Variants in FAAH2 observed in about 807,000 individuals in gnomAD.
The protein encoded by FAAH2 is fatty acid amide hydrolase 2.
A neutral mutation model predicts 36.9 loss-of-function variants in FAAH2; 60 were observed. That is an observed-to-expected ratio of 1.63 (90% CI 1.32 to 2.02). The LOEUF is 2.02. Ranked by LOEUF, FAAH2 falls within the 30% of genes most tolerant of loss-of-function variation. FAAH2 has a pLI of 0.00. For missense variants in FAAH2, 689 were observed against 397.5 expected (o/e 1.73, Z -6.23); for synonymous variants, 214 against 143.8 (o/e 1.49, Z -3.49).
chrX:57,137,449 T>A, the FAAH2 span: 1 of 608,708 alleles, frequency 1.6e-6, no homozygotes. Flanking sequence ...ACCTCCCTGT[T>A]GGTGGCGGCC....
chrX:57,407,293 T>A (rs966849592), intron 7 of FAAH2, among the ~76,000 whole-genome samples: 2 of 111,917 alleles, frequency 1.8e-5, no homozygotes, highest in Non-Finnish European at 3.8e-5. Flanking sequence ...TTATGGCACC[T>A]TCCACCTGAA....
At chrX:57,485,397 G>A (rs1223574032) in intron 10 of FAAH2, among the ~76,000 whole-genome samples, 2 of 111,156 alleles carry the variant, frequency 1.8e-5, no homozygotes, top group African/African-American at 6.5e-5. Flanking sequence ...GTGACCTGGA[G>A]CCTGCAAACC....
At chrX:57,391,613 C>CTT (rs2055167916) in intron 7 of FAAH2, among the ~76,000 whole-genome samples, 1 of 110,807 alleles carries the variant, frequency 9.0e-6, no homozygotes, top group Non-Finnish European at 1.9e-5. Flanking sequence ...TTTTTGTCAA[C>CTT]TTTGTCAAAG....
At chrX:57,452,500 G>A (rs1277699720) in intron 10 of FAAH2, 4 of 164,473 alleles carry the variant, frequency 2.4e-5, no homozygotes, top group Non-Finnish European at 4.0e-5. Context: ...TGTAGTCTAA[G>A]CAAAGATTCT....
At chrX:57,378,430 T>C (rs1370933727) in intron 5 of FAAH2, among the ~76,000 whole-genome samples, 1 of 111,417 alleles carries the variant, frequency 9.0e-6, no homozygotes, top group Non-Finnish European at 1.9e-5. Flanking sequence ...TTTTGCTTGT[T>C]TTATATTGAA....
At chrX:57,487,848 A>AT (rs1354869951) in intron 10 of FAAH2, among the ~76,000 whole-genome samples, 2 of 112,101 alleles carry the variant, frequency 1.8e-5, no homozygotes, top group Non-Finnish European at 3.8e-5. Flanking sequence ...TATATTGCTG[A>AT]TTTTTGCAGC....
intron 7 of FAAH2, among the ~76,000 whole-genome samples, chrX:57,383,437 G>A (rs902043135): frequency 8.9e-6 from 1 of 111,880 alleles, no homozygotes; most frequent in Non-Finnish European, 1.9e-5. Flanking sequence ...CATCTTCTCA[G>A]CCCAAAATCT....
In FAAH2 at chrX:57,299,170, C is replaced by A. The variant is rs182902196; in HGVS notation, c.275+6590C>A. On this transcript the variant is annotated intron_variant, in intron 2 of 10. Coordinates refer to ENST00000374900, the MANE Select transcript of FAAH2 (RefSeq NM_174912.4). Reference sequence around the variant, plus strand: ...CAACAAAAAAAAGAGAATTTTAGACCAATATCCTTGATGAACATTGATGCA... The same window carrying A: ...CAACAAAAAAAAGAGAATTTTAGACAAATATCCTTGATGAACATTGATGCA... 2.9e-3 allele frequency among the ~76,000 whole-genome samples: 329 copies of A among 111,628 alleles called. 5 individuals are homozygous for A. Among genetic ancestry groups the A allele is most frequent in the South Asian group, 0.012 (31 of 2,662 alleles).
chrX:57,434,795 A>T (rs944060576), intron 8 of FAAH2, among the ~76,000 whole-genome samples: 1 of 111,590 alleles, frequency 9.0e-6, no homozygotes, highest in South Asian at 3.7e-4. Context: ...CAGCAATCCA[A>T]GACAAATACA....
At chrX:57,250,744 A>G in the FAAH2 span, among the ~76,000 whole-genome samples, 3 of 103,517 alleles carry the variant, frequency 2.9e-5, no homozygotes, top group African/African-American at 1.3e-4. Flanking sequence ...ACACCAACAA[A>G]AAAGATAACC....
intron 8 of FAAH2, among the ~76,000 whole-genome samples, chrX:57,434,284 C>T (rs1166315224): frequency 1.8e-5 from 2 of 108,544 alleles, no homozygotes; most frequent in Admixed American, 1.0e-4. Flanking sequence ...CCATTTTTGG[C>T]CAGGCTAGTC....
At chrX:57,332,702 G>T (rs1328406317) in intron 4 of FAAH2, among the ~76,000 whole-genome samples, 1 of 111,616 alleles carries the variant, frequency 9.0e-6, no homozygotes, top group African/African-American at 3.3e-5. Flanking sequence ...AATTTCAAAA[G>T]TTTTACCTTC....
the FAAH2 span, among the ~76,000 whole-genome samples, chrX:57,258,752 A>G: frequency 1.0e-5 from 1 of 97,812 alleles, no homozygotes; most frequent in Non-Finnish European, 2.0e-5. Flanking sequence ...TCTGTCACCC[A>G]GGCTGGAGTG....
chrX:57,172,532 A>G, the FAAH2 span, among the ~76,000 whole-genome samples: 7 of 112,154 alleles, frequency 6.2e-5, no homozygotes, highest in African/African-American at 9.7e-5. Flanking sequence ...AACGAACTCA[A>G]TTAGACCCAC....
the FAAH2 span, among the ~76,000 whole-genome samples, chrX:57,188,670 C>T: frequency 9.1e-6 from 1 of 110,451 alleles, no homozygotes; most frequent in Admixed American, 9.7e-5. Flanking sequence ...TAGATCTTTC[C>T]TGCTTTCTCT....
chrX:57,166,627 T>C, the FAAH2 span, among the ~76,000 whole-genome samples: 4 of 112,481 alleles, frequency 3.6e-5, no homozygotes, highest in African/African-American at 6.5e-5. Context: ...AAGAATATTC[T>C]ACACCTATGG....
intron 4 of FAAH2, among the ~76,000 whole-genome samples, chrX:57,333,751 A>G (rs2053469730): frequency 8.9e-6 from 1 of 111,914 alleles, no homozygotes; most frequent in Admixed American, 9.5e-5. Context: ...TGAAAAAGAC[A>G]GAAGAGACTA....
chrX:57,467,542 G>A (rs1257847419), intron 10 of FAAH2, among the ~76,000 whole-genome samples: 6 of 111,675 alleles, frequency 5.4e-5, no homozygotes, highest in East Asian at 5.7e-4. Flanking sequence ...AGGTGACAGC[G>A]AGGCTGGAGG....
chrX:57,305,351 G>A (rs1380435946), intron 2 of FAAH2, among the ~76,000 whole-genome samples: 1 of 105,502 alleles, frequency 9.5e-6, no homozygotes, highest in Non-Finnish European at 1.9e-5. Flanking sequence ...CAGAAAAACT[G>A]GAAAAAAAAA....
Sources: gnomAD v4.1 joint callset for allele counts (sites outside exome capture counted in the v4.1 genomes callset) on GRCh38, gnomAD v4.1.1 for gene constraint, MANE v1.5 for transcripts, NCBI Gene and HGNC (gene_info 2026-07-23, HGNC 2026-07-21) for gene names.